The following PTPRD variants were observed in gnomAD, a reference collection of about 807,000 sequenced individuals.
The protein encoded by PTPRD is protein tyrosine phosphatase receptor type D, also known as receptor-type tyrosine-protein phosphatase delta.
PTPRD carries 34 observed loss-of-function variants against 214.5 expected under a neutral mutation model. The observed-to-expected ratio is 0.16, with a 90% CI of 0.12 to 0.21. The LOEUF (loss-of-function observed/expected upper bound fraction) is 0.21. Among genes scored for constraint, PTPRD ranks in the 10% least tolerant of loss-of-function variants. PTPRD has a pLI of 1.00. For missense variants in PTPRD, 2,545 were observed against 2,398.7 expected (o/e 1.06, Z -1.27); for synonymous variants, 1,128 against 845.7 (o/e 1.33, Z -5.79).
chr9:8,526,664 G>T lies in PTPRD; in HGVS notation c.551-20C>A. 1 of 1,573,370 alleles carries T rather than the reference G, an allele frequency of 6.4e-7. No individual in the cohort carries two copies. The highest frequency in any genetic ancestry group is 8.6e-7 in the Non-Finnish European group (1 of 1,156,570). On this transcript the variant is annotated intron_variant, in intron 16 of 45. Coordinates refer to ENST00000381196, the MANE Select transcript of PTPRD (RefSeq NM_002839.4). ...TACCACCTGGGTGGATAATATGAATGCAAATAAGATTAGAAAGAAGAAGCA... is the reference window on the plus strand; with the variant it reads ...TACCACCTGGGTGGATAATATGAATTCAAATAAGATTAGAAAGAAGAAGCA...
At chr9:8,484,037 T>C in intron 30 of PTPRD, 82 bp downstream of exon 30, 3 of 1,510,912 alleles carry the variant, frequency 2.0e-6, no homozygotes, top group Non-Finnish European at 2.7e-6. Flanking sequence ...TATCTTCTTT[T>C]ACGACCTCTA....
At chr9:9,189,169 G>A (rs900545844) in intron 9 of PTPRD, among the ~76,000 whole-genome samples, 15 of 151,934 alleles carry the variant, frequency 9.9e-5, no homozygotes, top group African/African-American at 3.1e-4. Flanking sequence ...TGCTTTATAA[G>A]GTAATTATTT....
intron 7 of PTPRD, among the ~76,000 whole-genome samples, chr9:9,648,014 T>G (rs1361130551): frequency 1.3e-5 from 2 of 152,142 alleles, no homozygotes. Flanking sequence ...TTAAACATAG[T>G]GATCTTTTAT....
intron 10 of PTPRD, among the ~76,000 whole-genome samples, chr9:9,128,143 G>A (rs1282640391): frequency 2.0e-5 from 3 of 152,136 alleles, no homozygotes; most frequent in African/African-American, 7.2e-5. Flanking sequence ...CATAGATGCT[G>A]GATCATCAGC....
chr9:9,477,839 T>C (rs981507792), intron 8 of PTPRD, among the ~76,000 whole-genome samples: 1 of 152,150 alleles, frequency 6.6e-6, no homozygotes, highest in East Asian at 1.9e-4. Context: ...ACACAGCCAA[T>C]GTTAAGGAAG....
intron 10 of PTPRD, among the ~76,000 whole-genome samples, chr9:9,030,203 C>G (rs936184373): frequency 2.7e-5 from 4 of 148,920 alleles, no homozygotes; most frequent in Admixed American, 6.7e-5. Flanking sequence ...AACCCTCAAC[C>G]ATGAAATCTC....
chr9:8,365,908 T>A (rs767155939), intron 39 of PTPRD, among the ~76,000 whole-genome samples: 1 of 152,102 alleles, frequency 6.6e-6, no homozygotes, highest in Non-Finnish European at 1.5e-5. Context: ...AAGATCCATG[T>A]CCTGCCCCAA....
At chr9:10,502,809 A>G (rs1395630963) in intron 2 of PTPRD, among the ~76,000 whole-genome samples, 2 of 152,060 alleles carry the variant, frequency 1.3e-5, no homozygotes, top group Non-Finnish European at 2.9e-5. Context: ...AGATAATAAT[A>G]TAATACATTA....
At chr9:9,450,009 T>G (rs1272965197) in intron 8 of PTPRD, among the ~76,000 whole-genome samples, 1 of 151,984 alleles carries the variant, frequency 6.6e-6, no homozygotes, top group East Asian at 1.9e-4. Context: ...CTGAGTTACT[T>G]TACTTAGAAC....
At chr9:8,602,331 G>C (rs1351005693) in intron 14 of PTPRD, among the ~76,000 whole-genome samples, 1 of 152,108 alleles carries the variant, frequency 6.6e-6, no homozygotes, top group African/African-American at 2.4e-5. Flanking sequence ...GGGCTTCTGA[G>C]ACTTCACACT....
At chr9:9,206,449 T>C (rs1336151978) in intron 9 of PTPRD, among the ~76,000 whole-genome samples, 8 of 152,160 alleles carry the variant, frequency 5.3e-5, no homozygotes, top group African/African-American at 1.4e-4. Context: ...ATGGTTAATA[T>C]TGAGTGTCAA....
At chr9:9,967,516 T>G (rs1364528411) in intron 4 of PTPRD, among the ~76,000 whole-genome samples, 1 of 152,146 alleles carries the variant, frequency 6.6e-6, no homozygotes. Flanking sequence ...GAAGGTATGC[T>G]AGGTAATTTT....
intron 2 of PTPRD, among the ~76,000 whole-genome samples, chr9:10,397,189 C>A (rs568770464): frequency 6.6e-6 from 1 of 152,120 alleles, no homozygotes; most frequent in East Asian, 1.9e-4. Flanking sequence ...TTGACAGGAA[C>A]GTTCTTGCAT....
At chr9:8,406,677 G>A (rs945072191) in intron 35 of PTPRD, among the ~76,000 whole-genome samples, 1 of 152,192 alleles carries the variant, frequency 6.6e-6, no homozygotes, top group African/African-American at 2.4e-5. Flanking sequence ...AGTTCATAAA[G>A]AGAAATCATA....
At chr9:9,005,774 G>A (rs989258077) in intron 11 of PTPRD, among the ~76,000 whole-genome samples, 56 of 151,850 alleles carry the variant, frequency 3.7e-4, no homozygotes, top group African/African-American at 2.7e-4. Flanking sequence ...CTTTTCAGAC[G>A]AGGAAATCAA....
At chr9:9,398,943 T>G (rs1178298542) in intron 8 of PTPRD, among the ~76,000 whole-genome samples, 1 of 152,040 alleles carries the variant, frequency 6.6e-6, no homozygotes, top group Non-Finnish European at 1.5e-5. Context: ...CTATGCTAGA[T>G]CAGACTCTGC....
chr9:9,767,554 C>G lies in PTPRD; in HGVS notation c.-367-703G>C, dbSNP rs370082402. On this transcript the variant is annotated intron_variant, in intron 5 of 45. Coordinates refer to ENST00000381196, the MANE Select transcript of PTPRD (RefSeq NM_002839.4). Reference sequence around the variant, plus strand: ...TCAGAAACTCATCTACCTAAAGGCACAGATTATCTAAATCTGAGAACTCAC... The same window carrying G: ...TCAGAAACTCATCTACCTAAAGGCAGAGATTATCTAAATCTGAGAACTCAC... 9.2e-5 allele frequency among the ~76,000 whole-genome samples: 14 copies of G among 152,132 alleles called. No individual in the cohort carries two copies. In the East Asian group the frequency reaches 2.3e-3, roughly 25 times the overall value.
At chr9:9,075,797 ATTCAGTC>A (rs1448483938) in intron 10 of PTPRD, among the ~76,000 whole-genome samples, 2 of 152,044 alleles carry the variant, frequency 1.3e-5, no homozygotes, top group African/African-American at 4.8e-5. Context: ...CATTTTCTTA[ATTCAGTC>A]TTTCATTGAT....
At chr9:9,232,813 C>T (rs543924752) in intron 9 of PTPRD, among the ~76,000 whole-genome samples, 1 of 152,178 alleles carries the variant, frequency 6.6e-6, no homozygotes, top group Admixed American at 6.6e-5. Context: ...ACCCACGATC[C>T]CTCTGACCTT....
Sources: gnomAD v4.1 joint callset for allele counts (sites outside exome capture counted in the v4.1 genomes callset) on GRCh38, gnomAD v4.1.1 for gene constraint, MANE v1.5 for transcripts, NCBI Gene and HGNC (gene_info 2026-07-23, HGNC 2026-07-21) for gene names.